Variants in SPATA17 observed in about 807,000 individuals in gnomAD.
SPATA17 encodes spermatogenesis-associated protein 17.
A neutral mutation model predicts 62.2 loss-of-function variants in SPATA17; 53 were observed. That is an observed-to-expected ratio of 0.85 (90% CI 0.68 to 1.07). The LOEUF (loss-of-function observed/expected upper bound fraction) is 1.07. Ranked by LOEUF, SPATA17 falls within the 50% of genes least tolerant of loss-of-function variation. The probability of loss-of-function intolerance (pLI) is 0.00; values close to 1 mark genes in which losing one functional copy is unlikely to be tolerated. For missense variants in SPATA17, 466 were observed against 425.5 expected, an observed-to-expected ratio of 1.10 and a Z score of -0.84; for synonymous variants, 146 against 146.8, an observed-to-expected ratio of 0.99 and a Z score of 0.04.
intron 1 of SPATA17, among the ~76,000 whole-genome samples, chr1:217,631,702 C>CT (rs1035448220): frequency 4.6e-5 from 7 of 152,094 alleles, no homozygotes; most frequent in African/African-American, 9.7e-5. Context: ...TTGTAAAGTG[C>CT]TTTTTTTCTT....
At chr1:217,849,308 C>A (rs114536580) in intron 9 of SPATA17, among the ~76,000 whole-genome samples, 1,604 of 152,244 alleles carry the variant, frequency 0.011, 32 homozygotes, top group African/African-American at 0.037. Flanking sequence ...GGATGGGCCA[C>A]TACCTATGGC....
intron 5 of SPATA17, among the ~76,000 whole-genome samples, chr1:217,690,251 C>T (rs1175336501): frequency 6.6e-6 from 1 of 152,044 alleles, no homozygotes; most frequent in African/African-American, 2.4e-5. Flanking sequence ...TAAGCACTCT[C>T]ATTCTATCCT....
chr1:217,641,336 AT>A (rs1558548111), intron 1 of SPATA17, among the ~76,000 whole-genome samples: 2 of 152,264 alleles, frequency 1.3e-5, no homozygotes, highest in East Asian at 3.9e-4. Flanking sequence ...TGTAACATTC[AT>A]AGCGTCTAGC....
chr1:217,741,370 C>G (rs758059323), intron 5 of SPATA17, among the ~76,000 whole-genome samples: 1 of 152,076 alleles, frequency 6.6e-6, no homozygotes, highest in East Asian at 1.9e-4. Context: ...TTAGAAAAGA[C>G]TTGCACTTTC....
chr1:217,648,842 TTA>T (rs781097201), intron 1 of SPATA17, 38 bp from the exon 2 acceptor site: 2 of 1,281,310 alleles, frequency 1.6e-6, no homozygotes, highest in East Asian at 4.7e-5. Flanking sequence ...TAGAATTATA[TTA>T]GTTACTAATG....
intron 9 of SPATA17, among the ~76,000 whole-genome samples, chr1:217,815,736 G>A (rs1315788934): frequency 6.6e-6 from 1 of 152,148 alleles, no homozygotes; most frequent in Non-Finnish European, 1.5e-5. Context: ...CAAAAACAGA[G>A]GGTTCCCAGA....
At chr1:217,837,593 AC>A (rs1489879605) in intron 9 of SPATA17, among the ~76,000 whole-genome samples, 1 of 152,102 alleles carries the variant, frequency 6.6e-6, no homozygotes, top group Non-Finnish European at 1.5e-5. Context: ...TTTAACCATT[AC>A]AGCTTTGCTC....
chr1:217,659,722 T>C (rs953333163), intron 3 of SPATA17, among the ~76,000 whole-genome samples: 1 of 152,192 alleles, frequency 6.6e-6, no homozygotes, highest in African/African-American at 2.4e-5. Context: ...TATTTCTTTT[T>C]TTCAGGTAAA....
chr1:217,821,022 C>A (rs971077851), intron 9 of SPATA17, among the ~76,000 whole-genome samples: 1 of 151,980 alleles, frequency 6.6e-6, no homozygotes, highest in African/African-American at 2.4e-5. Flanking sequence ...AGGGGCATCC[C>A]AATTAATCCA....
At chr1:217,709,451 A>T (rs1190891760) in intron 5 of SPATA17, among the ~76,000 whole-genome samples, 1 of 151,946 alleles carries the variant, frequency 6.6e-6, no homozygotes, top group Non-Finnish European at 1.5e-5. Flanking sequence ...GGTGTCCCTC[A>T]GATTGTTGCC....
rs560338755 is a variant in SPATA17 at position 217,655,673 on chromosome 1, T to C, written c.240+4495T>C. Among the ~76,000 whole-genome samples the C allele has an allele frequency of 2.0e-5, 3 of 152,312 alleles. No homozygotes were observed. In the South Asian group the frequency reaches 6.2e-4, roughly 32 times the overall value. ...ATTTTCCTCTCTTCCATTTATTTAT[T>C]TATTCATGTATTTATATGAGTATGA... On this transcript the variant is annotated intron_variant, in intron 3 of 10. Transcript: ENST00000366933.
At chr1:217,711,611 T>C (rs1671866860) in intron 5 of SPATA17, among the ~76,000 whole-genome samples, 1 of 152,206 alleles carries the variant, frequency 6.6e-6, no homozygotes, top group South Asian at 2.1e-4. Flanking sequence ...TTGTGAAATA[T>C]GCAGTATATG....
At chr1:217,739,036 C>A (rs548954181) in intron 5 of SPATA17, among the ~76,000 whole-genome samples, 1 of 152,286 alleles carries the variant, frequency 6.6e-6, no homozygotes, top group South Asian at 2.1e-4. Flanking sequence ...TTATTGCTAT[C>A]ATTATTAGAA....
chr1:217,848,314 T>G (rs994824563), intron 9 of SPATA17, among the ~76,000 whole-genome samples: 1 of 152,198 alleles, frequency 6.6e-6, no homozygotes, highest in Non-Finnish European at 1.5e-5. Context: ...ATCTCTTGAT[T>G]TATCAATTTC....
In SPATA17 at chr1:217,741,704, C is replaced by T. The variant is rs111271885; in HGVS notation, c.396-271C>T. 5.3e-4 allele frequency among the ~76,000 whole-genome samples: 81 copies of T among 152,244 alleles called. 1 individual carries two copies. The highest frequency in any genetic ancestry group is 1.8e-3 in the African/African-American group (73 of 41,550). On this transcript the variant is annotated intron_variant, in intron 5 of 10. Transcript: ENST00000366933. ...AAAATACCCTGATAATTTAGTAAGA[C>T]ACTTACTTTGCATTTGATGTATTTT...
At chr1:217,833,000 A>G (rs1444118705) in intron 9 of SPATA17, among the ~76,000 whole-genome samples, 2 of 152,128 alleles carry the variant, frequency 1.3e-5, no homozygotes, top group African/African-American at 4.8e-5. Context: ...TTGAGTACTT[A>G]TAACACACTG....
chr1:217,794,026 G>A (rs1674072134), intron 8 of SPATA17, among the ~76,000 whole-genome samples: 1 of 150,880 alleles, frequency 6.6e-6, no homozygotes, highest in African/African-American at 2.4e-5. Flanking sequence ...TAAGGCAGGA[G>A]AATGGCGTGA....
chr1:217,858,724 A>T (rs974097535), intron 9 of SPATA17, among the ~76,000 whole-genome samples: 5 of 152,048 alleles, frequency 3.3e-5, no homozygotes, highest in African/African-American at 9.7e-5. Flanking sequence ...AACTTCTCTT[A>T]AAAAAATAAT....
chr1:217,782,190 T>C lies in SPATA17; in HGVS notation c.740T>C (p.Ile247Thr), dbSNP rs540164939. 2.5e-6 allele frequency: 4 copies of C among 1,597,478 alleles called. No homozygotes were observed. Among genetic ancestry groups the C allele is most frequent in the African/African-American group, 1.3e-5 (1 of 74,140 alleles). Residue 247 changes from isoleucine (I) to threonine (T), a missense_variant, in exon 8 of 11, where the codon ATC (isoleucine) becomes ACC (threonine). By Grantham distance (89) the Ile-to-Thr change is moderately conservative. Transcript: ENST00000366933. ...TCTTGTCAGGGGCCCTTCCGAGATA[T>C]CACCGAAGTATTAGAACAACGCTAC... ...RKQCQGPFRDITEVLEQRYRP... is the reference protein window; with the variant it reads ...RKQCQGPFRDTTEVLEQRYRP...
Sources: gnomAD v4.1 joint callset for allele counts (sites outside exome capture counted in the v4.1 genomes callset) on GRCh38, gnomAD v4.1.1 for gene constraint, MANE v1.5 for transcripts, NCBI Gene and HGNC (gene_info 2026-07-23, HGNC 2026-07-21) for gene names.